Variants in TDRD5 observed in about 807,000 individuals in gnomAD.
TDRD5 encodes tudor domain-containing protein 5.
A neutral mutation model predicts 120.6 loss-of-function variants in TDRD5; 41 were observed. The ratio of observed to expected loss-of-function variants is 0.34; its 90% CI spans 0.26 to 0.44. The LOEUF is 0.44. Among genes scored for constraint, TDRD5 ranks in the 20% least tolerant of loss-of-function variants. The probability of loss-of-function intolerance (pLI) is 1.00; values close to 1 mark genes in which losing one functional copy is unlikely to be tolerated. For missense variants in TDRD5, 1,006 were observed against 1,221.2 expected, an observed-to-expected ratio of 0.82 and a Z score of 2.63; for synonymous variants, 430 against 433.7, an observed-to-expected ratio of 0.99 and a Z score of 0.11.
chr1:179,628,641 A>G (rs1677270868), intron 6 of TDRD5, among the ~76,000 whole-genome samples: 1 of 152,050 alleles, frequency 6.6e-6, no homozygotes, highest in Admixed American at 6.6e-5. Flanking sequence ...TTGGGAGCCA[A>G]TAAAGCAGAA....
At chr1:179,649,978 A>C (rs569203526) in intron 11 of TDRD5, among the ~76,000 whole-genome samples, 24 of 152,314 alleles carry the variant, frequency 1.6e-4, no homozygotes, top group Admixed American at 1.1e-3. Context: ...CTGCAAATCT[A>C]TGTGAAGGAT....
Position 179,669,267 on chromosome 1 carries a change from A to G in TDRD5, c.2723A>G (p.Gln908Arg). 1 of 1,614,140 alleles carries G rather than the reference A, an allele frequency of 6.2e-7. No individual in the cohort carries two copies. The highest frequency in any genetic ancestry group is 8.5e-7 in the Non-Finnish European group (1 of 1,180,020). The change falls in exon 17 of 18, where the codon CAG becomes CGG. Residue 908 changes from glutamine (Q) to arginine (R), a missense_variant. Around this residue, in one of 3 missense-constraint regions of TDRD5, gnomAD observed 403 missense variants for 448.1 expected, o/e 0.90. Coordinates refer to ENST00000444136, the MANE Select transcript of TDRD5 (RefSeq NM_001199085.3). ...GAAGAATTCTGTACCTCTCTTACCC[A>G]GTCAGAGCAGTCAGCAGACGGGAGC... is the stretch of plus-strand genomic sequence containing the variant. The part of the protein sequence containing the change: ...KLEEFCTSLT[Q>R]SEQSADGSQS...
Position 179,640,415 on chromosome 1 carries a change from T to C in TDRD5, c.1770T>C (p.Pro590=). 1 of 1,614,172 alleles carries C rather than the reference T, an allele frequency of 6.2e-7. No individual in the cohort carries two copies. The highest frequency in any genetic ancestry group is 1.7e-5 in the Admixed American group (1 of 60,030). The part of the protein sequence containing the change: ...CYTKLPAQAI[P]CSLAWVRPVE... ...CAAAGCTTCCAGCTCAGGCTATCCC[T>C]TGTTCTTTGGCTTGGGTGAGACCAG... Residue 590 remains proline, a synonymous_variant, in exon 11 of 18, where the codon CCT becomes CCC. Coordinates refer to ENST00000444136, the MANE Select transcript of TDRD5 (RefSeq NM_001199085.3).
At chr1:179,616,760 C>T (rs764446088) in intron 4 of TDRD5, among the ~76,000 whole-genome samples, 7 of 152,238 alleles carry the variant, frequency 4.6e-5, no homozygotes, top group Non-Finnish European at 7.4e-5. Flanking sequence ...GCAGAATTCT[C>T]TCCATCCTGC....
In TDRD5 at chr1:179,669,375, A is replaced by G. The variant is rs753158427; in HGVS notation, c.2831A>G (p.Asp944Gly). ...GCACCCTGTTCAACAACTGCAGTGG[A>G]TGATTCCGCAGAAAAGCCCTCTGGT... ...TAAPCSTTAV[D>G]DSAEKPSGSV... The change falls in exon 17 of 18, where the codon GAT becomes GGT. Residue 944 changes from aspartate (D) to glycine (G), a missense_variant. Physicochemically the swap from Asp to Gly is moderately conservative, Grantham distance 94 (BLOSUM62 -1). Transcript: ENST00000444136. 1.2e-6 allele frequency: 2 copies of G among 1,614,072 alleles called. No homozygotes were observed. The highest frequency in any genetic ancestry group is 3.3e-5 in the Admixed American group (2 of 60,010).
At chr1:179,600,012 A>T (rs183306877) in intron 4 of TDRD5, among the ~76,000 whole-genome samples, 34 of 152,148 alleles carry the variant, frequency 2.2e-4, no homozygotes, top group Admixed American at 2.0e-3. Context: ...TTTAGAGTGC[A>T]CTCCTTACTA....
intron 11 of TDRD5, among the ~76,000 whole-genome samples, chr1:179,642,862 A>T (rs1678130348): frequency 6.6e-6 from 1 of 152,196 alleles, no homozygotes; most frequent in African/African-American, 2.4e-5. Context: ...CCATTAGCAA[A>T]ATCAGAAGCA....
chr1:179,598,256 G>T (rs1294256474), intron 4 of TDRD5, among the ~76,000 whole-genome samples: 1 of 152,210 alleles, frequency 6.6e-6, no homozygotes, highest in African/African-American at 2.4e-5. Context: ...GTGGTCTATT[G>T]TTGACCATAA....
intron 4 of TDRD5, among the ~76,000 whole-genome samples, chr1:179,610,761 A>G (rs1262700093): frequency 6.6e-6 from 1 of 152,092 alleles, no homozygotes; most frequent in African/African-American, 2.4e-5. Context: ...AATTCATTTT[A>G]ATGTTTTTTA....
At chr1:179,667,154 CT>C (rs1238168763) in intron 16 of TDRD5, among the ~76,000 whole-genome samples, 3 of 152,172 alleles carry the variant, frequency 2.0e-5, no homozygotes, top group Non-Finnish European at 4.4e-5. Context: ...GTGAACACCA[CT>C]TTTGAGTAGT....
intron 9 of TDRD5, among the ~76,000 whole-genome samples, chr1:179,637,840 T>G (rs1472985813): frequency 6.6e-6 from 1 of 152,154 alleles, no homozygotes; most frequent in Non-Finnish European, 1.5e-5. Context: ...CTTAAGAAGA[T>G]AGGAGATACA....
At chr1:179,668,622 G>A (rs1183929006) in intron 16 of TDRD5, among the ~76,000 whole-genome samples, 1 of 151,952 alleles carries the variant, frequency 6.6e-6, no homozygotes, top group Non-Finnish European at 1.5e-5. Flanking sequence ...CCCAGCCTGT[G>A]TATGGTAGCA....
At chr1:179,673,087 T>C (rs971996448) in intron 17 of TDRD5, among the ~76,000 whole-genome samples, 22 of 152,318 alleles carry the variant, frequency 1.4e-4, no homozygotes, top group African/African-American at 5.1e-4. Context: ...GGGCTCTTTT[T>C]TGGTTCCATA....
chr1:179,615,251 C>T (rs541698510), intron 4 of TDRD5, among the ~76,000 whole-genome samples: 14 of 152,068 alleles, frequency 9.2e-5, no homozygotes, highest in African/African-American at 1.9e-4. Flanking sequence ...GCACTTAATA[C>T]GGTGTACAGC....
intron 16 of TDRD5, 65 bp from the exon 17 acceptor site, chr1:179,669,129 A>G (rs569853603): frequency 2.1e-6 from 3 of 1,407,752 alleles, no homozygotes; most frequent in Admixed American, 4.2e-5. Context: ...AAGTAAGGAA[A>G]TAGGGCTTAA....
At chr1:179,635,218 T>G (rs1228806291) in intron 8 of TDRD5, among the ~76,000 whole-genome samples, 3 of 152,204 alleles carry the variant, frequency 2.0e-5, no homozygotes, top group African/African-American at 4.8e-5. Flanking sequence ...GAAAACAGTA[T>G]GTTTCAGAAT....
chr1:179,646,014 G>A (rs1678344876), intron 11 of TDRD5, among the ~76,000 whole-genome samples: 4 of 151,930 alleles, frequency 2.6e-5, no homozygotes, highest in Admixed American at 2.6e-4. Context: ...TCCAGGCTAA[G>A]ACCTTTTGTC....
intron 5 of TDRD5, 111 bp from the exon 6 acceptor site, chr1:179,620,924 T>G: frequency 1.2e-6 from 1 of 851,512 alleles, no homozygotes; most frequent in African/African-American, 1.8e-5. Context: ...TGACTAAAAT[T>G]CATTTAATAA....
At chr1:179,603,174 G>A (rs919408933) in intron 4 of TDRD5, among the ~76,000 whole-genome samples, 5 of 152,028 alleles carry the variant, frequency 3.3e-5, no homozygotes, top group African/African-American at 4.8e-5. Flanking sequence ...TTGACTCTCC[G>A]CTTGGTCACT....
Sources: allele counts gnomAD v4.1 joint callset (sites outside exome capture counted in the v4.1 genomes callset), GRCh38; gene constraint gnomAD v4.1.1; regional missense constraint gnomAD v4.1.1; transcripts MANE v1.5; gene names NCBI Gene and HGNC (gene_info 2026-07-23, HGNC 2026-07-21).